The following TM9SF3 variants were observed in gnomAD, a reference collection of about 807,000 sequenced individuals.
TM9SF3 encodes the protein SM-11044-binding protein.
TM9SF3 carries 14 observed loss-of-function variants against 78.6 expected under a neutral mutation model. The ratio of observed to expected loss-of-function variants is 0.18; its 90% CI spans 0.12 to 0.28. The LOEUF (loss-of-function observed/expected upper bound fraction) is 0.28, where lower values mean the gene tolerates loss of function less well. Ranked by LOEUF, TM9SF3 falls within the 10% of genes least tolerant of loss-of-function variation. The pLI, the probability that TM9SF3 is intolerant of heterozygous loss-of-function variation, is 1.00. For synonymous variants in TM9SF3, 231 were observed against 241.7 expected (o/e 0.96, Z 0.41); for missense variants, 496 against 721.9 (o/e 0.69, Z 3.59).
At position 96,522,138 on chromosome 10, in the gene TM9SF3, A is replaced by G. The variant is rs1847784100; in HGVS notation, c.*125T>C. The G allele has an allele frequency of 1.3e-6, 1 of 753,338 alleles. No homozygotes were observed. 46.7% of individuals were successfully genotyped at this position (753,338 alleles called of 1,614,324 possible). On this transcript the variant is annotated 3_prime_UTR_variant, in exon 15 of 15. Transcript: ENST00000371142. The stretch of plus-strand genomic sequence containing the variant: ...TGTTACTTTAAGCCACCGACGAAAG[A>G]GAGACCCACAAAGTACCCAGTGTGT...
intron 2 of TM9SF3, among the ~76,000 whole-genome samples, chr10:96,572,718 T>C (rs1166396537): frequency 2.6e-5 from 4 of 151,778 alleles, no homozygotes; most frequent in Admixed American, 2.6e-4. Context: ...TTAGTAGAGA[T>C]GGGGTTTCAC....
intron 1 of TM9SF3, among the ~76,000 whole-genome samples, chr10:96,579,742 T>G (rs906904281): frequency 1.6e-4 from 25 of 152,226 alleles, no homozygotes; most frequent in Non-Finnish European, 3.4e-4. Flanking sequence ...TTTGTTTTGC[T>G]CCTTACTATG....
intron 6 of TM9SF3, 115 bp from the exon 7 acceptor site, chr10:96,551,526 A>G: frequency 1.6e-6 from 1 of 631,364 alleles, no homozygotes; most frequent in Admixed American, 3.6e-5. Flanking sequence ...ATAGCTAAAG[A>G]AATACAAAAT....
At chr10:96,565,629 A>C (rs1208322673) in intron 2 of TM9SF3, among the ~76,000 whole-genome samples, 1 of 152,040 alleles carries the variant, frequency 6.6e-6, no homozygotes, top group African/African-American at 2.4e-5. Context: ...ATAATGAAAA[A>C]ATTTTAATCA....
intron 4 of TM9SF3, 69 bp from the exon 5 acceptor site, chr10:96,559,805 G>T: frequency 2.3e-6 from 2 of 875,488 alleles, no homozygotes; most frequent in South Asian, 1.8e-5. Context: ...ACAAAACTCT[G>T]AGCAAAATAT....
chr10:96,550,304 C>G (rs1443304307), intron 7 of TM9SF3, among the ~76,000 whole-genome samples: 2 of 152,128 alleles, frequency 1.3e-5, no homozygotes, highest in African/African-American at 4.8e-5. Context: ...TCCTTACTCT[C>G]AAGGAACTTA....
At chr10:96,554,878 A>C (rs868463026) in intron 5 of TM9SF3, among the ~76,000 whole-genome samples, 1 of 152,158 alleles carries the variant, frequency 6.6e-6, no homozygotes, top group South Asian at 2.1e-4. Context: ...GAAATTTTAC[A>C]ATTATCTCTG....
At position 96,565,370 on chromosome 10, in the gene TM9SF3, C is replaced by T; in HGVS notation, c.355G>A (p.Ala119Thr). 1 of 1,561,330 alleles carries T rather than the reference C, an allele frequency of 6.4e-7. No individual in the cohort carries two copies. Among genetic ancestry groups the T allele is most frequent in the Non-Finnish European group, 8.6e-7 (1 of 1,162,816 alleles). ...EIDLDKEKRDAFVYAIKNHYW... is the reference protein window; with the variant it reads ...EIDLDKEKRDTFVYAIKNHYW... Reference sequence around the variant, plus strand: ...TGATTTTTTATGGCATATACAAATGCATCTCTCTTTTCTTTATCTAAATCA... The same window carrying T: ...TGATTTTTTATGGCATATACAAATGTATCTCTCTTTTCTTTATCTAAATCA... Residue 119 changes from alanine (A) to threonine (T), a missense_variant, in exon 3 of 15, where the codon GCA becomes ACA. By Grantham distance (58) the Ala-to-Thr change is moderately conservative. Transcript: ENST00000371142.
chr10:96,551,120 T>C, intron 7 of TM9SF3, 125 bp downstream of exon 7: 1 of 834,108 alleles, frequency 1.2e-6, no homozygotes, highest in Non-Finnish European at 1.8e-6. Flanking sequence ...ATTTATGATA[T>C]TTATCATAAA....
At chr10:96,551,492 T>C (rs959192685) in intron 6 of TM9SF3, 81 bp from the exon 7 acceptor site, 1 of 1,097,380 alleles carries the variant, frequency 9.1e-7, no homozygotes. Context: ...AAATTACAGT[T>C]GTAAGTTTCC....
intron 9 of TM9SF3, among the ~76,000 whole-genome samples, chr10:96,538,144 G>A (rs942553366): frequency 2.0e-5 from 3 of 152,098 alleles, no homozygotes; most frequent in African/African-American, 7.2e-5. Context: ...AAGACAATGT[G>A]GTATTAGCAT....
At chr10:96,560,849 C>T in intron 4 of TM9SF3, 1 of 537,812 alleles carries the variant, frequency 1.9e-6, no homozygotes, top group Non-Finnish European at 3.6e-6. Context: ...AAAAAAATTC[C>T]TAAAACACCA....
chr10:96,527,202 T>C lies in TM9SF3; in HGVS notation c.1702+11A>G. ...ATTTACTCATGATGTTCAAAGAATT[T>C]CAAAACTTACCACACATTATCCCCA... On this transcript the variant is annotated intron_variant, in intron 14 of 14. Coordinates refer to ENST00000371142, the MANE Select transcript of TM9SF3 (RefSeq NM_020123.4). The C allele has an allele frequency of 6.2e-7, 1 of 1,603,198 alleles. No individual in the cohort carries two copies. Among genetic ancestry groups the C allele is most frequent in the Non-Finnish European group, 8.5e-7 (1 of 1,175,108 alleles).
Position 96,521,555 on chromosome 10 carries a change from C to T in TM9SF3, c.*708G>A, listed in dbSNP as rs1008473962. 1.2e-4 allele frequency: 18 copies of T among 152,338 alleles called. No homozygotes were observed. Among genetic ancestry groups the T allele is most frequent in the African/African-American group, 4.3e-4 (18 of 41,398 alleles). 9.4% of individuals were successfully genotyped at this position (152,338 alleles called of 1,614,324 possible). ...ACAGTAAATTGCATTGTAGAGAGTA[C>T]ACTTCTGTCTTCAAACTGTATCTTC... On this transcript the variant is annotated 3_prime_UTR_variant, in exon 15 of 15. Coordinates refer to ENST00000371142, the MANE Select transcript of TM9SF3 (RefSeq NM_020123.4).
intron 1 of TM9SF3, among the ~76,000 whole-genome samples, chr10:96,578,472 A>G (rs1848522897): frequency 6.6e-6 from 1 of 152,242 alleles, no homozygotes; most frequent in African/African-American, 2.4e-5. Flanking sequence ...GACGAATAAC[A>G]ATTTGGAAAA....
intron 6 of TM9SF3, 52 bp downstream of exon 6, chr10:96,552,876 C>T: frequency 2.8e-6 from 4 of 1,423,428 alleles, no homozygotes; most frequent in Non-Finnish European, 3.7e-6. Context: ...ACATTTAAAA[C>T]TTAACACTCA....
chr10:96,531,043 T>C (rs1847888688), intron 10 of TM9SF3, among the ~76,000 whole-genome samples: 1 of 152,194 alleles, frequency 6.6e-6, no homozygotes, highest in East Asian at 1.9e-4. Context: ...GCTCACTCTC[T>C]CCTTGGTTCT....
chr10:96,586,779 C>T lies in TM9SF3; in HGVS notation c.57G>A (p.Leu19=), dbSNP rs1848637073. The change falls in exon 1 of 15, where the codon CTG becomes CTA. Residue 19 remains leucine, a synonymous_variant. Transcript: ENST00000371142. ...CCCGGGTCCGGGGCAGCAGCAGCAG[C>T]AGCAGCCACAGCGCGGCGGCCGCCG... ...GVAAAAALWL[L]LLLLPRTRAD... is the part of the protein sequence containing the mutation. The T allele has an allele frequency of 7.0e-6, 9 of 1,288,038 alleles. No homozygotes were observed. The highest frequency in any genetic ancestry group is 1.5e-5 in the African/African-American group (1 of 64,830). 79.8% of individuals were successfully genotyped at this position (1,288,038 alleles called of 1,614,324 possible). A position where few individuals can be genotyped will look rare whatever the true frequency, so the allele number is the denominator to read the frequency against.
chr10:96,541,642 C>T (rs1769602272), intron 9 of TM9SF3, among the ~76,000 whole-genome samples: 1 of 152,178 alleles, frequency 6.6e-6, no homozygotes, highest in Non-Finnish European at 1.5e-5. Context: ...CCTCAGCCTC[C>T]CATGCTGGAA....
Sources: gnomAD v4.1 joint callset for allele counts (sites outside exome capture counted in the v4.1 genomes callset) on GRCh38, gnomAD v4.1.1 for gene constraint, MANE v1.5 for transcripts, NCBI Gene and HGNC (gene_info 2026-07-23, HGNC 2026-07-21) for gene names.